The following USP47 variants were observed in gnomAD, a reference collection of about 807,000 sequenced individuals.
USP47 encodes the protein ubiquitin carboxyl-terminal hydrolase 47.
Under a neutral mutation model 165.1 loss-of-function variants are expected in USP47, and 35 were observed. The observed-to-expected ratio is 0.21, with a 90% confidence interval of 0.16 to 0.28. The LOEUF (loss-of-function observed/expected upper bound fraction) is 0.28, where lower values mean the gene tolerates loss of function less well. Among genes scored for constraint, USP47 ranks in the 10% least tolerant of loss-of-function variants. The pLI, the probability that USP47 is intolerant of heterozygous loss-of-function variation, is 1.00. For missense variants in USP47, 1,277 were observed against 1,607.4 expected, an observed-to-expected ratio of 0.79 and a Z score of 3.52; for synonymous variants, 531 against 544.5, an observed-to-expected ratio of 0.98 and a Z score of 0.35.
intron 14 of USP47, among the ~76,000 whole-genome samples, chr11:11,932,140 C>G (rs561149971): frequency 6.6e-6 from 1 of 152,112 alleles, no homozygotes; most frequent in Admixed American, 6.6e-5. Context: ...AATATGGGAG[C>G]AGGCATTTCA....
chr11:11,959,534 G>A lies in USP47; in HGVS notation c.*3359G>A, dbSNP rs1216099180. Among the ~76,000 whole-genome samples the A allele has an allele frequency of 6.6e-6, 1 of 152,168 alleles. No individual in the cohort carries two copies. Among genetic ancestry groups the A allele is most frequent in the Non-Finnish European group, 1.5e-5 (1 of 68,026 alleles). On this transcript the variant is annotated 3_prime_UTR_variant, in exon 28 of 28. Coordinates refer to ENST00000527733, the MANE Select transcript of USP47 (RefSeq NM_001282659.2). ...TTTAGTGTACATGAAATTGGAAGATGCTTCTTGATTGTAGTTCCCATGGGG... is the reference window on the plus strand; with the variant it reads ...TTTAGTGTACATGAAATTGGAAGATACTTCTTGATTGTAGTTCCCATGGGG...
rs1367260982 is a variant in USP47 at position 11,940,409 on chromosome 11, T to C, written c.2194-20T>C. 2 of 1,571,962 alleles carry C rather than the reference T, an allele frequency of 1.3e-6. No homozygotes were observed. The highest frequency in any genetic ancestry group is 1.4e-5 in the African/African-American group (1 of 72,790). ...ATTATTTTTGAAAGAGTACTTTTTATTAAATTGCTTTCATTATAGGCCATC... is the reference window on the plus strand; with the variant it reads ...ATTATTTTTGAAAGAGTACTTTTTACTAAATTGCTTTCATTATAGGCCATC... On this transcript the variant is annotated intron_variant, in intron 18 of 27. Transcript: ENST00000527733.
chr11:11,876,652 A>G (rs1850437491), intron 1 of USP47, among the ~76,000 whole-genome samples: 1 of 152,200 alleles, frequency 6.6e-6, no homozygotes, highest in African/African-American at 2.4e-5. Flanking sequence ...TTTCTCATAC[A>G]TCAGGCACCT....
chr11:11,948,953 A>T, intron 22 of USP47: 1 of 188,396 alleles, frequency 5.3e-6, no homozygotes, highest in Non-Finnish European at 1.1e-5. Flanking sequence ...GGAAACAATC[A>T]TACAGTGCTA....
At chr11:11,911,238 AC>A (rs1852957879) in intron 8 of USP47, among the ~76,000 whole-genome samples, 1 of 152,190 alleles carries the variant, frequency 6.6e-6, no homozygotes, top group African/African-American at 2.4e-5. Context: ...TGGGACTATA[AC>A]AAAAGGTTTA....
intron 11 of USP47, among the ~76,000 whole-genome samples, chr11:11,925,157 CAGTGAAG>C (rs1467020439): frequency 1.3e-5 from 2 of 151,532 alleles, no homozygotes; most frequent in Non-Finnish European, 2.9e-5. Flanking sequence ...GCCCAGGCTC[CAGTGAAG>C]TGGTGTGATC....
chr11:11,920,644 A>C, intron 10 of USP47, 150 bp downstream of exon 10: 1 of 650,620 alleles, frequency 1.5e-6, no homozygotes, highest in Non-Finnish European at 2.3e-6. Context: ...TGTGGAATTC[A>C]ATAAAATGAT....
chr11:11,853,730 A>C (rs1445052381), intron 1 of USP47, among the ~76,000 whole-genome samples: 1 of 152,216 alleles, frequency 6.6e-6, no homozygotes, highest in Non-Finnish European at 1.5e-5. Context: ...ATTTATGCAA[A>C]ACTGTTATTG....
At chr11:11,853,324 G>A (rs1033408607) in intron 1 of USP47, among the ~76,000 whole-genome samples, 1 of 152,190 alleles carries the variant, frequency 6.6e-6, no homozygotes, top group African/African-American at 2.4e-5. Flanking sequence ...CAGGCAGCAT[G>A]TGTAGGTGGC....
intron 8 of USP47, among the ~76,000 whole-genome samples, chr11:11,912,184 C>T (rs1853045878): frequency 6.6e-6 from 1 of 150,780 alleles, no homozygotes; most frequent in Admixed American, 6.6e-5. Context: ...GCAAAAGAAA[C>T]CCAAAGCAAG....
chr11:11,920,883 A>G (rs1359750430), intron 10 of USP47, among the ~76,000 whole-genome samples: 1 of 151,876 alleles, frequency 6.6e-6, no homozygotes, highest in Non-Finnish European at 1.5e-5. Flanking sequence ...GACAATGCCT[A>G]TGATGGAATG....
At chr11:11,890,596 A>T (rs1419157524) in intron 3 of USP47, among the ~76,000 whole-genome samples, 1 of 152,138 alleles carries the variant, frequency 6.6e-6, no homozygotes, top group Non-Finnish European at 1.5e-5. Flanking sequence ...GTGGAAAATA[A>T]TGTGGTCATT....
intron 24 of USP47, chr11:11,952,521 C>T: frequency 3.1e-6 from 1 of 326,568 alleles, no homozygotes; most frequent in Non-Finnish European, 5.6e-6. Context: ...ATTAGGAGTA[C>T]TGGTTTGAAG....
At chr11:11,885,357 AG>A (rs1851088393) in intron 3 of USP47, among the ~76,000 whole-genome samples, 1 of 152,196 alleles carries the variant, frequency 6.6e-6, no homozygotes, top group African/African-American at 2.4e-5. Flanking sequence ...GAGACTGATT[AG>A]GCAAACAACT....
At chr11:11,935,541 G>T (rs774643194) in intron 16 of USP47, among the ~76,000 whole-genome samples, 4 of 151,886 alleles carry the variant, frequency 2.6e-5, no homozygotes, top group Non-Finnish European at 5.9e-5. Context: ...TCATTGTTGG[G>T]GATGGGGGTT....
chr11:11,912,778 A>G (rs914314017), intron 8 of USP47, among the ~76,000 whole-genome samples: 16 of 152,144 alleles, frequency 1.1e-4, no homozygotes, highest in Non-Finnish European at 4.4e-5. Flanking sequence ...AATATTAGCA[A>G]ATGGAATTAA....
intron 1 of USP47, among the ~76,000 whole-genome samples, chr11:11,853,092 C>T (rs1848817554): frequency 6.6e-6 from 1 of 151,644 alleles, no homozygotes; most frequent in Non-Finnish European, 1.5e-5. Flanking sequence ...TGCCCAGATA[C>T]TGTAATTTTT....
At chr11:11,922,993 A>G in intron 11 of USP47, 102 bp downstream of exon 11, 1 of 1,020,578 alleles carries the variant, frequency 9.8e-7, no homozygotes, top group Non-Finnish European at 1.3e-6. Context: ...TCTTTAAAAG[A>G]AACTTAATTT....
intron 1 of USP47, among the ~76,000 whole-genome samples, chr11:11,858,027 C>G (rs1457622577): frequency 6.6e-6 from 1 of 152,038 alleles, no homozygotes; most frequent in Non-Finnish European, 1.5e-5. Context: ...AGGTGAATAC[C>G]AAGTGACCAA....
Sources: allele counts gnomAD v4.1 joint callset (sites outside exome capture counted in the v4.1 genomes callset), GRCh38; gene constraint gnomAD v4.1.1; transcripts MANE v1.5; gene names NCBI Gene and HGNC (gene_info 2026-07-23, HGNC 2026-07-21).